Variants in C10orf67 observed in about 807,000 individuals in gnomAD.
The protein encoded by C10orf67 is uncharacterized protein C10orf67, mitochondrial.
C10orf67 carries 60 observed loss-of-function variants against 35.6 expected under a neutral mutation model. That is an observed-to-expected ratio of 1.68 (90% CI 1.37 to 2.09). The LOEUF (loss-of-function observed/expected upper bound fraction) is 2.09. Among genes scored for constraint, C10orf67 ranks in the 30% most tolerant of loss-of-function variants. The probability of loss-of-function intolerance (pLI) is 0.00; values close to 1 mark genes in which losing one functional copy is unlikely to be tolerated. For missense variants in C10orf67, 474 were observed against 330.2 expected, an observed-to-expected ratio of 1.44 and a Z score of -3.38; for synonymous variants, 167 against 115.8, an observed-to-expected ratio of 1.44 and a Z score of -2.84.
chr10:23,227,056 T>C (rs530232709), intron 13 of C10orf67, among the ~76,000 whole-genome samples: 4 of 152,154 alleles, frequency 2.6e-5, no homozygotes, highest in Non-Finnish European at 5.9e-5. Context: ...TTCCAATCAA[T>C]AGAAAAAGAG....
At chr10:23,205,450 A>T (rs548189413) in intron 15 of C10orf67, among the ~76,000 whole-genome samples, 1 of 152,364 alleles carries the variant, frequency 6.6e-6, no homozygotes, top group South Asian at 2.1e-4. Context: ...TTTAATGAAA[A>T]GAAATGAAAT....
chr10:23,268,057 G>A (rs981758389), intron 8 of C10orf67, among the ~76,000 whole-genome samples: 4 of 152,190 alleles, frequency 2.6e-5, no homozygotes, highest in Non-Finnish European at 5.9e-5. Flanking sequence ...GGAGGCTGAA[G>A]CAGGAGGATT....
chr10:23,289,530 G>A (rs1843650597), intron 7 of C10orf67, among the ~76,000 whole-genome samples: 1 of 152,102 alleles, frequency 6.6e-6, no homozygotes, highest in South Asian at 2.1e-4. Context: ...GATAACATAA[G>A]CCCAGCTCAT....
chr10:23,212,778 T>TGAGAGAGAGAGAGA lies in C10orf67; in HGVS notation c.1571-8537_1571-8524dup, dbSNP rs58972226. On this transcript the variant is annotated intron_variant, in intron 15 of 15. Transcript: ENST00000636213. ...GAACTATATTCAGGAAATATTGTAT[T>TGAGAGAGAGAGAGA]GAGAGAGAGAGAGAGAGAGAGAGAG... 1.3e-3 allele frequency among the ~76,000 whole-genome samples: 131 copies of TGAGAGAGAGAGAGA among 101,152 alleles called. 1 individual carries two copies. The highest frequency in any genetic ancestry group is 4.5e-3 in the South Asian group (10 of 2,218). 66.4% of individuals were successfully genotyped at this position (101,152 alleles called of 152,430 possible).
intron 15 of C10orf67, among the ~76,000 whole-genome samples, chr10:23,209,868 C>T (rs760020152): frequency 5.9e-5 from 9 of 151,684 alleles, no homozygotes; most frequent in Non-Finnish European, 1.2e-4. Flanking sequence ...GGCGTGGTGG[C>T]GCACACCTGT....
intron 4 of C10orf67, among the ~76,000 whole-genome samples, chr10:23,308,221 G>A (rs1844361355): frequency 6.6e-6 from 1 of 152,048 alleles, no homozygotes; most frequent in Non-Finnish European, 1.5e-5. Flanking sequence ...ACCAAACCTC[G>A]TCACCTTCTT....
intron 15 of C10orf67, among the ~76,000 whole-genome samples, chr10:23,213,904 TACTAAAGAGA>T (rs1268059655): frequency 6.6e-6 from 1 of 151,974 alleles, no homozygotes; most frequent in Non-Finnish European, 1.5e-5. Flanking sequence ...AAGTAGATTT[TACTAAAGAGA>T]ACTAAAAAGA....
chr10:23,223,693 T>G (rs1323601529), intron 14 of C10orf67, 35 bp from the exon 15 acceptor site: 1 of 717,170 alleles, frequency 1.4e-6, no homozygotes. Context: ...TTACTTAAGT[T>G]GAATAATATT....
intron 3 of C10orf67, among the ~76,000 whole-genome samples, chr10:23,321,356 T>C (rs1000583530): frequency 1.3e-5 from 2 of 152,220 alleles, no homozygotes; most frequent in African/African-American, 2.4e-5. Flanking sequence ...ATAGGCTTTA[T>C]ACTTTTCTAA....
chr10:23,303,591 T>C (rs942791496), intron 4 of C10orf67, 132 bp from the exon 5 acceptor site: 2 of 430,122 alleles, frequency 4.6e-6, no homozygotes, highest in Non-Finnish European at 4.2e-6. Flanking sequence ...AGCTACTGTT[T>C]TGTGAAGGTT....
At chr10:23,340,447 A>C (rs960032302) in intron 1 of C10orf67, among the ~76,000 whole-genome samples, 3 of 151,954 alleles carry the variant, frequency 2.0e-5, no homozygotes, top group Non-Finnish European at 2.9e-5. Context: ...TTGAGCTCAG[A>C]GGTCAGAGGC....
chr10:23,221,103 G>C (rs1430062932), intron 15 of C10orf67, among the ~76,000 whole-genome samples: 1 of 152,158 alleles, frequency 6.6e-6, no homozygotes, highest in Non-Finnish European at 1.5e-5. Flanking sequence ...CTAATTCATG[G>C]AGAAAAGAGG....
At chr10:23,222,976 A>G (rs542784793) in intron 15 of C10orf67, among the ~76,000 whole-genome samples, 2 of 152,332 alleles carry the variant, frequency 1.3e-5, no homozygotes, top group South Asian at 4.1e-4. Flanking sequence ...TTAAGTTGGA[A>G]AAAAATAGGA....
intron 13 of C10orf67, among the ~76,000 whole-genome samples, chr10:23,230,469 T>C (rs535940867): frequency 2.0e-5 from 3 of 152,138 alleles, no homozygotes; most frequent in East Asian, 1.9e-4. Context: ...CAGAATAACA[T>C]TAATATTGAG....
At position 23,301,471 on chromosome 10, in the gene C10orf67, C is replaced by T. The variant is rs116010231; in HGVS notation, c.702+1833G>A. ...TCTAAGGATAGGACAGAATAGCAAG[C>T]GAAAGTGGTCCCAATATTACTCATC... is the stretch of plus-strand genomic sequence containing the variant. On this transcript the variant is annotated intron_variant, in intron 5 of 15. Transcript: ENST00000636213. Among the ~76,000 whole-genome samples the T allele has an allele frequency of 5.2e-3, 790 of 152,296 alleles. 7 individuals carry two copies. Among genetic ancestry groups the T allele is most frequent in the African/African-American group, 0.018 (751 of 41,548 alleles).
At chr10:23,251,375 C>T (rs1231814869) in intron 10 of C10orf67, among the ~76,000 whole-genome samples, 1 of 152,216 alleles carries the variant, frequency 6.6e-6, no homozygotes, top group Non-Finnish European at 1.5e-5. Context: ...CAGCTTCCCC[C>T]AGTTACTCAT....
At chr10:23,316,345 T>C (rs1844710565) in intron 4 of C10orf67, among the ~76,000 whole-genome samples, 1 of 152,204 alleles carries the variant, frequency 6.6e-6, no homozygotes, top group South Asian at 2.1e-4. Flanking sequence ...ACCTGGAAGC[T>C]TGGAGACACC....
intron 15 of C10orf67, among the ~76,000 whole-genome samples, chr10:23,211,102 G>A (rs937978089): frequency 1.3e-5 from 2 of 152,204 alleles, no homozygotes; most frequent in Non-Finnish European, 2.9e-5. Context: ...TTGTCTCATA[G>A]TTGTGGAGGC....
At position 23,266,519 on chromosome 10, in the gene C10orf67, A is replaced by C. The variant is rs140757814; in HGVS notation, c.1036-93T>G. The C allele has an allele frequency of 1.5e-5, 6 of 397,236 alleles. No individual in the cohort carries two copies. In the East Asian group the frequency reaches 2.1e-4, roughly 14 times the overall value. The allele number at this position is 397,236 out of a possible 1,614,324, so 24.6% of individuals were successfully genotyped here. A position where few individuals can be genotyped will look rare whatever the true frequency, so the allele number is the denominator to read the frequency against. On this transcript the variant is annotated intron_variant, in intron 9 of 15. Coordinates refer to ENST00000636213, the MANE Select transcript of C10orf67 (RefSeq NM_001371909.1). ...ACACTCTTCCCCTCCCCTGAGCTGG[A>C]ATTGCAGAACTGAGGTTTTCAGTCC...
Sources: gnomAD v4.1 joint callset for allele counts (sites outside exome capture counted in the v4.1 genomes callset) on GRCh38, gnomAD v4.1.1 for gene constraint, MANE v1.5 for transcripts, NCBI Gene and HGNC (gene_info 2026-07-23, HGNC 2026-07-21) for gene names.